RBFOX1: variants seen among roughly 807,000 people sequenced by gnomAD.
The protein encoded by RBFOX1 is RNA binding fox-1 homolog 1.
Under a neutral mutation model 57.7 loss-of-function variants are expected in RBFOX1, and 8 were observed. The ratio of observed to expected loss-of-function variants is 0.14; its 90% CI spans 0.08 to 0.25. The LOEUF is 0.25. RBFOX1 is among the 10% of genes least tolerant of loss of function. The pLI, the probability that RBFOX1 is intolerant of heterozygous loss-of-function variation, is 1.00. For synonymous variants in RBFOX1, 326 were observed against 222.4 expected (o/e 1.47, Z -4.15); for missense variants, 611 against 548.5 (o/e 1.11, Z -1.14).
chr16:5,328,444 T>G (rs2064648167), intron 1 of RBFOX1, among the ~76,000 whole-genome samples: 1 of 152,238 alleles, frequency 6.6e-6, no homozygotes. Context: ...TTCTGTAATT[T>G]AAGCCACCTA....
chr16:5,365,621 A>G (rs538625897), intron 1 of RBFOX1, among the ~76,000 whole-genome samples: 2 of 152,310 alleles, frequency 1.3e-5, no homozygotes, highest in African/African-American at 4.8e-5. Context: ...GTGAGCCGAT[A>G]TCGTGCACTG....
intron 4 of RBFOX1, among the ~76,000 whole-genome samples, chr16:5,939,235 A>T (rs775721948): frequency 1.1e-4 from 17 of 152,262 alleles, no homozygotes; most frequent in Non-Finnish European, 1.8e-4. Flanking sequence ...AACTTAAAGT[A>T]TAATAAAAAG....
intron 2 of RBFOX1, among the ~76,000 whole-genome samples, chr16:6,417,699 T>TTCC (rs2093663035): frequency 1.2e-5 from 1 of 80,128 alleles, no homozygotes; most frequent in African/African-American, 8.7e-5. Context: ...CTTAAACTCC[T>TTCC]TTCTTTTTAA....
chr16:6,496,963 G>A (rs758539216), intron 2 of RBFOX1, among the ~76,000 whole-genome samples: 3,199 of 151,974 alleles, frequency 0.021, 53 homozygotes, highest in Non-Finnish European at 0.032. Flanking sequence ...TCCGTCTTCG[G>A]AAAAAAAGAC....
At position 5,501,333 on chromosome 16, in the gene RBFOX1, A is replaced by G. The variant is rs1222631751; in HGVS notation, c.258+34079A>G. ...ACTCTGTCTACAAAAAAAAAAAAAA[A>G]AAAAAAAAGAAAAAATAAAATTATC... On this transcript the variant is annotated intron_variant, in intron 2 of 2. Coordinates refer to the RBFOX1 transcript ENST00000585867. Among the ~76,000 whole-genome samples the G allele has an allele frequency of 5.3e-5, 8 of 151,424 alleles. No individual in the cohort carries two copies. In the East Asian group the frequency reaches 1.5e-3, roughly 29 times the overall value.
At chr16:5,371,560 G>C (rs492459) in intron 1 of RBFOX1, among the ~76,000 whole-genome samples, 63,612 of 152,144 alleles carry the variant, frequency 0.42, 14,794 homozygotes, top group East Asian at 0.71. Context: ...GCAGACTGCT[G>C]TATCTACCTC....
intron 1 of RBFOX1, among the ~76,000 whole-genome samples, chr16:6,266,296 A>C (rs922986248): frequency 6.6e-6 from 1 of 152,220 alleles, no homozygotes; most frequent in Admixed American, 6.5e-5. Flanking sequence ...CAAAAGTCTG[A>C]GGTCAGTTGT....
chr16:5,726,321 T>A (rs533144006), intron 3 of RBFOX1, among the ~76,000 whole-genome samples: 18 of 152,242 alleles, frequency 1.2e-4, no homozygotes, highest in Non-Finnish European at 2.6e-4. Context: ...GGCCTGACTT[T>A]CTTTTCATGA....
At chr16:6,712,389 A>G (rs755546268) in intron 3 of RBFOX1, among the ~76,000 whole-genome samples, 65 of 152,206 alleles carry the variant, frequency 4.3e-4, no homozygotes, top group Non-Finnish European at 6.8e-4. Flanking sequence ...TGAACTAGAT[A>G]ATCTGCCTAA....
At position 7,567,009 on chromosome 16, in the gene RBFOX1, C is replaced by G. The variant is rs371703616; in HGVS notation, c.271-12768C>G. ...TACCACCCAAAAATAATGGTATCAA[C>G]AAAAGTCACAGCTGACAGCTACTGC... On this transcript the variant is annotated intron_variant, in intron 5 of 15. Coordinates refer to ENST00000550418, the MANE Select transcript of RBFOX1 (RefSeq NM_018723.4). Among the ~76,000 whole-genome samples the G allele has an allele frequency of 1.7e-4, 26 of 151,740 alleles. No homozygotes were observed. In the East Asian group the frequency reaches 3.5e-3, roughly 20 times the overall value.
At chr16:7,325,178 A>T (rs988351233) in intron 4 of RBFOX1, among the ~76,000 whole-genome samples, 1 of 152,176 alleles carries the variant, frequency 6.6e-6, no homozygotes, top group Non-Finnish European at 1.5e-5. Flanking sequence ...CCATTTACTG[A>T]GTGTTTGCTA....
At chr16:6,478,425 A>ATTT (rs1242285726) in intron 2 of RBFOX1, among the ~76,000 whole-genome samples, 27 of 11,736 alleles carry the variant, frequency 2.3e-3, no homozygotes, top group Non-Finnish European at 2.7e-3. Flanking sequence ...ATATATATAT[A>ATTT]TATATTTTTT....
chr16:7,337,062 C>T (rs754070669), intron 4 of RBFOX1, among the ~76,000 whole-genome samples: 3 of 152,146 alleles, frequency 2.0e-5, no homozygotes, highest in East Asian at 1.9e-4. Context: ...GCTGGTGACT[C>T]CAACGGGTCT....
chr16:5,247,427 C>G (rs577208633), intron 1 of RBFOX1, among the ~76,000 whole-genome samples: 13 of 152,334 alleles, frequency 8.5e-5, no homozygotes, highest in Non-Finnish European at 1.8e-4. Context: ...CTGGGAGACC[C>G]TCACATCTGT....
chr16:5,816,267 C>G (rs1865820), intron 3 of RBFOX1, among the ~76,000 whole-genome samples: 102,192 of 151,994 alleles, frequency 0.67, 34,548 homozygotes, highest in South Asian at 0.73. Flanking sequence ...CCTATTCCTT[C>G]AAGCTCTCTT....
intron 3 of RBFOX1, among the ~76,000 whole-genome samples, chr16:6,977,155 A>ATATCATATAT (rs376085419): frequency 1.5e-5 from 2 of 136,718 alleles, no homozygotes; most frequent in Non-Finnish European, 3.1e-5. Flanking sequence ...TATATCATAT[A>ATATCATATAT]TATCATATAT....
chr16:7,105,294 T>C (rs1358858466), intron 4 of RBFOX1, among the ~76,000 whole-genome samples: 1 of 151,444 alleles, frequency 6.6e-6, no homozygotes, highest in Non-Finnish European at 1.5e-5. Flanking sequence ...TCTGATTTTT[T>C]TTTTTTTTTT....
At chr16:6,976,654 T>C (rs2153579682) in intron 3 of RBFOX1, among the ~76,000 whole-genome samples, 1 of 150,228 alleles carries the variant, frequency 6.7e-6, no homozygotes, top group Non-Finnish European at 1.5e-5. Flanking sequence ...ACAATGTTTA[T>C]ATATATATGA....
intron 2 of RBFOX1, among the ~76,000 whole-genome samples, chr16:6,603,497 A>G (rs1487168824): frequency 1.3e-5 from 2 of 152,166 alleles, no homozygotes; most frequent in Non-Finnish European, 2.9e-5. Context: ...AGAGCCCTCA[A>G]ACACATTGGA....
Sources: allele counts gnomAD v4.1 joint callset (sites outside exome capture counted in the v4.1 genomes callset), GRCh38; gene constraint gnomAD v4.1.1; transcripts MANE v1.5; gene names NCBI Gene and HGNC (gene_info 2026-07-23, HGNC 2026-07-21).